Variants in EYS observed in about 807,000 individuals in gnomAD.
EYS encodes protein eyes shut homolog.
Under a neutral mutation model 282.1 loss-of-function variants are expected in EYS, and 250 were observed. That is an observed-to-expected ratio of 0.89 (90% CI 0.80 to 0.98). The LOEUF is 0.98. Among genes scored for constraint, EYS ranks in the 50% least tolerant of loss-of-function variants. The pLI is 0.00. For missense variants in EYS, 4,016 were observed against 3,709.0 expected, an observed-to-expected ratio of 1.08 and a Z score of -2.15; for synonymous variants, 1,355 against 1,282.9, an observed-to-expected ratio of 1.06 and a Z score of -1.20.
chr6:64,971,683 T>C (rs1176443848), intron 14 of EYS, among the ~76,000 whole-genome samples: 1 of 152,160 alleles, frequency 6.6e-6, no homozygotes, highest in East Asian at 1.9e-4. Flanking sequence ...CAAAGTGCTC[T>C]ATTTGTTCTT....
intron 12 of EYS, among the ~76,000 whole-genome samples, chr6:65,181,719 A>G (rs1440640719): frequency 6.6e-6 from 1 of 152,158 alleles, no homozygotes; most frequent in Non-Finnish European, 1.5e-5. Flanking sequence ...TATATACCCA[A>G]AGGAATATAA....
chr6:64,730,977 G>A (rs923871431), intron 22 of EYS: 2 of 152,042 alleles, frequency 1.3e-5, no homozygotes, highest in African/African-American at 4.8e-5. Context: ...TTAACATAGG[G>A]CAACTACAGT....
intron 5 of EYS, among the ~76,000 whole-genome samples, chr6:65,470,435 A>G (rs1358442020): frequency 6.6e-6 from 1 of 152,150 alleles, no homozygotes; most frequent in African/African-American, 2.4e-5. Context: ...TTAATTTAAT[A>G]TATTAGATTG....
intron 34 of EYS, among the ~76,000 whole-genome samples, chr6:63,994,113 C>G (rs975193368): frequency 6.6e-6 from 1 of 151,882 alleles, no homozygotes. Flanking sequence ...AATGAGCAAG[C>G]ATTTGGCATA....
intron 35 of EYS, 71 bp downstream of exon 35, chr6:63,984,312 T>G: frequency 1.8e-6 from 2 of 1,112,868 alleles, no homozygotes; most frequent in Non-Finnish European, 1.3e-6. Context: ...AGGACAATAC[T>G]GCTGGCTTTT....
Position 64,085,333 on chromosome 6 carries a change from T to C in EYS, c.6425-3331A>G, listed in dbSNP as rs865962133. On this transcript the variant is annotated intron_variant, in intron 31 of 42. Coordinates refer to ENST00000503581, the MANE Select transcript of EYS (RefSeq NM_001142800.2). ...TTCCAGACGCGCGCGCGTGCGCACG[T>C]GCGCGCGCACACACACACACACACA... Among the ~76,000 whole-genome samples, 244 of 130,176 alleles carry C rather than the reference T, an allele frequency of 1.9e-3. 2 individuals carry two copies. The highest frequency in any genetic ancestry group is 7.8e-3 in the African/African-American group (230 of 29,512). The allele number at this position is 130,176 out of a possible 152,430, so 85.4% of individuals were successfully genotyped here.
At chr6:63,880,413 T>G (rs1773096038) in intron 35 of EYS, among the ~76,000 whole-genome samples, 1 of 151,538 alleles carries the variant, frequency 6.6e-6, no homozygotes, top group Non-Finnish European at 1.5e-5. Context: ...TGTGGGACCT[T>G]GTGATCATGT....
At chr6:64,635,169 A>C (rs1294052161) in intron 22 of EYS, among the ~76,000 whole-genome samples, 1 of 152,056 alleles carries the variant, frequency 6.6e-6, no homozygotes, top group Middle Eastern at 3.2e-3. Flanking sequence ...TTGCACATGG[A>C]TGTTGTATCC....
chr6:65,312,507 A>C (rs537144043), intron 11 of EYS, among the ~76,000 whole-genome samples: 1 of 152,144 alleles, frequency 6.6e-6, no homozygotes, highest in Non-Finnish European at 1.5e-5. Flanking sequence ...CCCAAACTCT[A>C]TAAGTGCCAT....
At chr6:64,205,370 C>A (rs1320379213) in intron 31 of EYS, among the ~76,000 whole-genome samples, 2 of 152,136 alleles carry the variant, frequency 1.3e-5, no homozygotes, top group African/African-American at 4.8e-5. Context: ...TACATGCACA[C>A]AACATTACAA....
chr6:64,912,529 A>G lies in EYS; in HGVS notation c.2596T>C (p.Cys866Arg), dbSNP rs369966951. Reference protein sequence around the residue: ...LHNPCRNNSTCLALVDANQHC... With the variant: ...LHNPCRNNSTRLALVDANQHC... ...TGATTTGCGTCTACCAAAGCTAAGC[A>G]TGTTGAGTTGTTTCTGCAAGGGTTA... Residue 866 changes from cysteine to arginine, a missense_variant, in exon 16 of 43, where the codon TGC becomes CGC. Transcript: ENST00000503581. 70 of 1,551,242 alleles carry G rather than the reference A, an allele frequency of 4.5e-5. No homozygotes were observed. In the Admixed American group the frequency reaches 5.9e-4, roughly 13 times the overall value.
intron 12 of EYS, among the ~76,000 whole-genome samples, chr6:65,287,815 CAT>C (rs1041506385): frequency 1.3e-5 from 2 of 151,186 alleles, no homozygotes; most frequent in Non-Finnish European, 3.0e-5. Context: ...ACAAAGGACT[CAT>C]AAGAATCTTC....
intron 28 of EYS, among the ~76,000 whole-genome samples, chr6:64,415,608 A>G (rs893534034): frequency 2.0e-5 from 3 of 152,164 alleles, no homozygotes; most frequent in Non-Finnish European, 4.4e-5. Context: ...GTCCATATGC[A>G]TTAAGAGTAA....
At chr6:64,105,593 C>G (rs1417328277) in intron 31 of EYS, among the ~76,000 whole-genome samples, 1 of 152,096 alleles carries the variant, frequency 6.6e-6, no homozygotes, top group East Asian at 1.9e-4. Flanking sequence ...GCCTATTCAT[C>G]CTTCCCTCCC....
intron 5 of EYS, among the ~76,000 whole-genome samples, chr6:65,457,418 G>C (rs1764667038): frequency 6.6e-6 from 1 of 151,920 alleles, no homozygotes; most frequent in Non-Finnish European, 1.5e-5. Flanking sequence ...TTCCACCTCA[G>C]CCTTCCTAAG....
rs896446228 is a variant in EYS at position 65,364,410 on chromosome 6, A to C, written c.1300-10793T>G. ...AATACAGAAATACAAAATGAATAAA[A>C]CTTTAAAATATGATAACCTTGCATG... On this transcript the variant is annotated intron_variant, in intron 8 of 42. Transcript: ENST00000503581. Among the ~76,000 whole-genome samples, 7 of 151,478 alleles carry C rather than the reference A, an allele frequency of 4.6e-5. 1 individual carries two copies. The highest frequency in any genetic ancestry group is 4.0e-4 in the Admixed American group (6 of 14,830).
intron 2 of EYS, among the ~76,000 whole-genome samples, chr6:65,588,596 A>G (rs1765132376): frequency 6.6e-6 from 1 of 152,066 alleles, no homozygotes. Flanking sequence ...TAGACACAGA[A>G]TTTTACTTAA....
At chr6:63,782,522 T>C (rs965180424) in intron 39 of EYS, among the ~76,000 whole-genome samples, 2 of 152,248 alleles carry the variant, frequency 1.3e-5, no homozygotes, top group African/African-American at 4.8e-5. Context: ...TTCTAACTTT[T>C]CTAGTTTATT....
chr6:64,789,851 T>C (rs534111213), intron 22 of EYS, among the ~76,000 whole-genome samples: 2 of 151,410 alleles, frequency 1.3e-5, no homozygotes, highest in Admixed American at 1.3e-4. Flanking sequence ...CAATGACTAC[T>C]ACAAGGAAAG....
Sources: allele counts gnomAD v4.1 joint callset (sites outside exome capture counted in the v4.1 genomes callset), GRCh38; gene constraint gnomAD v4.1.1; transcripts MANE v1.5; gene names NCBI Gene and HGNC (gene_info 2026-07-23, HGNC 2026-07-21).